SHISA9: variants seen among roughly 807,000 people sequenced by gnomAD.
SHISA9 encodes protein shisa-9.
A neutral mutation model predicts 38.0 loss-of-function variants in SHISA9; 13 were observed. The ratio of observed to expected loss-of-function variants is 0.34; its 90% CI spans 0.22 to 0.54. SHISA9 has a LOEUF of 0.54. Among genes scored for constraint, SHISA9 ranks in the 20% least tolerant of loss-of-function variants. The pLI is 0.91. For missense variants in SHISA9, 538 were observed against 575.8 expected, an observed-to-expected ratio of 0.93 and a Z score of 0.67; for synonymous variants, 275 against 242.0, an observed-to-expected ratio of 1.14 and a Z score of -1.27.
the SHISA9 span, among the ~76,000 whole-genome samples, chr16:13,312,182 A>G: frequency 6.0e-3 from 921 of 152,320 alleles, 10 homozygotes; most frequent in African/African-American, 0.021. Flanking sequence ...TGTTTGCACA[A>G]TGCCCCAAGT....
chr16:13,115,507 G>C (rs1445056301), intron 2 of SHISA9, among the ~76,000 whole-genome samples: 1 of 152,208 alleles, frequency 6.6e-6, no homozygotes, highest in Non-Finnish European at 1.5e-5. Flanking sequence ...ATGCCTTTAA[G>C]CGGTTTTCTG....
chr16:13,291,718 G>C, the SHISA9 span, among the ~76,000 whole-genome samples: 1 of 152,080 alleles, frequency 6.6e-6, no homozygotes, highest in East Asian at 1.9e-4. Context: ...AACATCAAAA[G>C]AAAAAGCCCA....
chr16:12,944,720 A>G (rs1455832089), intron 2 of SHISA9, among the ~76,000 whole-genome samples: 1 of 152,190 alleles, frequency 6.6e-6, no homozygotes, highest in Non-Finnish European at 1.5e-5. Flanking sequence ...CAGGAATAGT[A>G]CTGTACCCTC....
At chr16:13,358,425 C>T in the SHISA9 span, among the ~76,000 whole-genome samples, 15 of 152,112 alleles carry the variant, frequency 9.9e-5, no homozygotes, top group Admixed American at 2.0e-4. Context: ...ATGTTCCCTT[C>T]GCTGTGTCCA....
chr16:13,485,460 C>T, the SHISA9 span, among the ~76,000 whole-genome samples: 1 of 152,074 alleles, frequency 6.6e-6, no homozygotes, highest in Non-Finnish European at 1.5e-5. Flanking sequence ...AGCCCTTGTT[C>T]TCATACCATA....
intron 2 of SHISA9, among the ~76,000 whole-genome samples, chr16:12,970,083 T>A (rs1243063386): frequency 6.6e-6 from 1 of 151,480 alleles, no homozygotes; most frequent in African/African-American, 2.4e-5. Flanking sequence ...ATGGGCTTTA[T>A]TATGTTATCC....
At chr16:13,214,476 G>A (rs571267686) in intron 4 of SHISA9, among the ~76,000 whole-genome samples, 43 of 152,242 alleles carry the variant, frequency 2.8e-4, no homozygotes, top group African/African-American at 1.0e-3. Flanking sequence ...AAAGTGCTGG[G>A]ATTACAAGCA....
At chr16:13,462,961 T>TAAAA in the SHISA9 span, among the ~76,000 whole-genome samples, 18 of 125,454 alleles carry the variant, frequency 1.4e-4, no homozygotes, top group African/African-American at 4.7e-4. Flanking sequence ...GACTCCATCT[T>TAAAA]AAAAAATAAA....
At chr16:12,921,265 A>G (rs2071324369) in intron 2 of SHISA9, among the ~76,000 whole-genome samples, 1 of 152,210 alleles carries the variant, frequency 6.6e-6, no homozygotes, top group South Asian at 2.1e-4. Flanking sequence ...TCCATCAGAA[A>G]GAGCAGGATG....
At chr16:13,272,235 G>T in the SHISA9 span, among the ~76,000 whole-genome samples, 12 of 152,128 alleles carry the variant, frequency 7.9e-5, no homozygotes, top group East Asian at 2.3e-3. Context: ...TTTTATAAAA[G>T]CAATAAAGTA....
At chr16:13,168,091 C>T (rs1399995000) in intron 2 of SHISA9, among the ~76,000 whole-genome samples, 1 of 152,148 alleles carries the variant, frequency 6.6e-6, no homozygotes, top group African/African-American at 2.4e-5. Flanking sequence ...TCAGGATTAG[C>T]CAGTTCCTGG....
At chr16:12,912,393 A>T (rs2071196820) in intron 1 of SHISA9, among the ~76,000 whole-genome samples, 1 of 152,132 alleles carries the variant, frequency 6.6e-6, no homozygotes, top group Non-Finnish European at 1.5e-5. Flanking sequence ...AGCCATTCTG[A>T]TTACGTACTT....
the SHISA9 span, among the ~76,000 whole-genome samples, chr16:13,466,332 A>G: frequency 2.0e-5 from 3 of 152,242 alleles, no homozygotes; most frequent in Admixed American, 2.0e-4. Flanking sequence ...CTGCTCCGCA[A>G]TGGCAGTAAG....
At chr16:12,966,104 G>A (rs1281462208) in intron 2 of SHISA9, among the ~76,000 whole-genome samples, 1 of 152,226 alleles carries the variant, frequency 6.6e-6, no homozygotes, top group Non-Finnish European at 1.5e-5. Context: ...CATTTCCCAA[G>A]TTGTAACAAC....
chr16:13,507,118 CACTT>C, the SHISA9 span, among the ~76,000 whole-genome samples: 4 of 151,962 alleles, frequency 2.6e-5, no homozygotes, highest in Non-Finnish European at 5.9e-5. Context: ...GATTGTTTCA[CACTT>C]ACATTTCAGG....
intron 2 of SHISA9, among the ~76,000 whole-genome samples, chr16:13,017,227 C>T (rs1266312850): frequency 2.0e-5 from 3 of 152,070 alleles, no homozygotes; most frequent in African/African-American, 4.8e-5. Flanking sequence ...ACCATGTTGG[C>T]CAGGCTGGTC....
At chr16:13,518,566 G>C in the SHISA9 span, among the ~76,000 whole-genome samples, 1 of 152,102 alleles carries the variant, frequency 6.6e-6, no homozygotes. Context: ...GCTCCATCGA[G>C]CTGCTAACTT....
chr16:12,965,516 A>G (rs1337589036), intron 2 of SHISA9, among the ~76,000 whole-genome samples: 4 of 152,184 alleles, frequency 2.6e-5, no homozygotes, highest in African/African-American at 7.2e-5. Flanking sequence ...CTGTGAGACA[A>G]TTCTCCCAAG....
At chr16:12,909,948 C>G (rs919863707) in intron 1 of SHISA9, 1 of 152,122 alleles carries the variant, frequency 6.6e-6, no homozygotes, top group African/African-American at 2.4e-5. Context: ...CCCCTGCCTC[C>G]TGGGTTTTAG....
Sources: allele counts gnomAD v4.1 joint callset (sites outside exome capture counted in the v4.1 genomes callset), GRCh38; gene constraint gnomAD v4.1.1; transcripts MANE v1.5; gene names NCBI Gene and HGNC (gene_info 2026-07-23, HGNC 2026-07-21).